Variants in CTNNA3 observed in about 807,000 individuals in gnomAD.
CTNNA3 encodes the protein catenin alpha 3, also known as catenin alpha-3.
In CTNNA3, 76 loss-of-function variants were observed where a neutral mutation model predicts 95.7. The observed-to-expected ratio is 0.79, with a 90% CI of 0.66 to 0.96. The LOEUF is 0.96. Ranked by LOEUF, CTNNA3 falls within the 40% of genes least tolerant of loss-of-function variation. CTNNA3 has a pLI of 0.00. For synonymous variants in CTNNA3, 431 were observed against 374.4 expected (o/e 1.15, Z -1.74); for missense variants, 1,191 against 1,089.8 (o/e 1.09, Z -1.31).
intron 7 of CTNNA3, among the ~76,000 whole-genome samples, chr10:67,126,537 C>T (rs539541442): frequency 3.3e-5 from 5 of 152,180 alleles, no homozygotes; most frequent in East Asian, 1.9e-4. Context: ...GGCAACAGAG[C>T]GACAGAGCAA....
chr10:66,523,722 G>A (rs769786932), intron 10 of CTNNA3, among the ~76,000 whole-genome samples: 1 of 151,810 alleles, frequency 6.6e-6, no homozygotes, highest in Non-Finnish European at 1.5e-5. Flanking sequence ...TTTTGAGTTC[G>A]GGCCTTATTA....
At chr10:66,599,248 T>A (rs932261894) in intron 10 of CTNNA3, among the ~76,000 whole-genome samples, 32 of 152,054 alleles carry the variant, frequency 2.1e-4, no homozygotes, top group Non-Finnish European at 4.6e-4. Context: ...TTATTATTTA[T>A]TGACAGTTGA....
In CTNNA3 at chr10:67,547,857, C is replaced by T. The variant is rs55974782; in HGVS notation, c.293-8188G>A. Reference sequence around the variant, plus strand: ...TGTAAGACTTGTACACTGAAAACTGCAAAACATTGCTGACAAATTAAAGAA... The same window carrying T: ...TGTAAGACTTGTACACTGAAAACTGTAAAACATTGCTGACAAATTAAAGAA... On this transcript the variant is annotated intron_variant, in intron 3 of 17. Coordinates refer to ENST00000433211, the MANE Select transcript of CTNNA3 (RefSeq NM_013266.4). Among the ~76,000 whole-genome samples the T allele has an allele frequency of 5.9e-3, 900 of 152,280 alleles. 7 individuals carry two copies. The highest frequency in any genetic ancestry group is 0.02 in the Middle Eastern group (6 of 294).
chr10:66,664,990 A>T (rs961814758), intron 9 of CTNNA3, among the ~76,000 whole-genome samples: 1 of 152,038 alleles, frequency 6.6e-6, no homozygotes, highest in Non-Finnish European at 1.5e-5. Flanking sequence ...GATTTAATAC[A>T]AATACACAGA....
At chr10:66,894,898 TGTGTATATA>T (rs1845414721) in intron 7 of CTNNA3, among the ~76,000 whole-genome samples, 1 of 150,588 alleles carries the variant, frequency 6.6e-6, no homozygotes, top group Non-Finnish European at 1.5e-5. Context: ...CTGTAATTTA[TGTGTATATA>T]TAGTAGGCGT....
chr10:66,388,881 G>T (rs940745417), intron 11 of CTNNA3, among the ~76,000 whole-genome samples: 2 of 152,018 alleles, frequency 1.3e-5, no homozygotes, highest in Admixed American at 1.3e-4. Flanking sequence ...ACAACTATTT[G>T]CATGAAGCTC....
chr10:67,531,150 T>G (rs1840312992), intron 4 of CTNNA3, among the ~76,000 whole-genome samples: 1 of 152,176 alleles, frequency 6.6e-6, no homozygotes, highest in Admixed American at 6.5e-5. Context: ...AAATGTGGTG[T>G]TGGAGCCCTC....
At chr10:67,152,307 C>T (rs1861119466) in intron 7 of CTNNA3, among the ~76,000 whole-genome samples, 1 of 152,132 alleles carries the variant, frequency 6.6e-6, no homozygotes, top group Admixed American at 6.5e-5. Flanking sequence ...TAAGAAGAAA[C>T]TGCCAAATTA....
At chr10:66,578,784 C>CTTTTTTTTTTT (rs71035156) in intron 10 of CTNNA3, among the ~76,000 whole-genome samples, 3 of 143,234 alleles carry the variant, frequency 2.1e-5, no homozygotes, top group Non-Finnish European at 3.1e-5. Flanking sequence ...ATTTTTCTTT[C>CTTTTTTTTTTT]TTTTTTTTTT....
chr10:66,134,490 A>G (rs1227977161), intron 13 of CTNNA3, among the ~76,000 whole-genome samples: 1 of 152,182 alleles, frequency 6.6e-6, no homozygotes, highest in Non-Finnish European at 1.5e-5. Flanking sequence ...GAAGATTTGT[A>G]TGAGATAATT....
At chr10:65,988,177 T>A (rs1227951447) in intron 16 of CTNNA3, among the ~76,000 whole-genome samples, 1 of 151,992 alleles carries the variant, frequency 6.6e-6, no homozygotes, top group Non-Finnish European at 1.5e-5. Context: ...TATGAGAAGA[T>A]TTTGAATGTG....
At chr10:66,575,105 G>C (rs1842969047) in intron 10 of CTNNA3, among the ~76,000 whole-genome samples, 1 of 152,064 alleles carries the variant, frequency 6.6e-6, no homozygotes, top group Non-Finnish European at 1.5e-5. Flanking sequence ...TCATTAACCA[G>C]AATTTGACTG....
intron 10 of CTNNA3, among the ~76,000 whole-genome samples, chr10:66,619,009 A>G (rs959485941): frequency 5.9e-5 from 9 of 152,152 alleles, no homozygotes; most frequent in African/African-American, 4.8e-5. Flanking sequence ...AACCACAATG[A>G]GATACCATCT....
intron 16 of CTNNA3, among the ~76,000 whole-genome samples, chr10:65,974,340 T>C (rs1294746392): frequency 6.6e-6 from 1 of 152,132 alleles, no homozygotes; most frequent in East Asian, 1.9e-4. Context: ...GGAATCAACC[T>C]AGGTATCCAC....
At chr10:67,409,402 G>T (rs1374867113) in intron 5 of CTNNA3, among the ~76,000 whole-genome samples, 1 of 152,176 alleles carries the variant, frequency 6.6e-6, no homozygotes, top group Non-Finnish European at 1.5e-5. Flanking sequence ...ATACTATGCA[G>T]CCATAAAAAG....
At chr10:67,136,599 T>C (rs1860318695) in intron 7 of CTNNA3, among the ~76,000 whole-genome samples, 1 of 152,142 alleles carries the variant, frequency 6.6e-6, no homozygotes, top group African/African-American at 2.4e-5. Flanking sequence ...TTGCATTTTC[T>C]ATCTCCCACC....
At chr10:67,529,993 C>CA (rs1348061298) in intron 4 of CTNNA3, among the ~76,000 whole-genome samples, 5 of 152,166 alleles carry the variant, frequency 3.3e-5, no homozygotes, top group Admixed American at 6.5e-5. Flanking sequence ...TTTCCCTACA[C>CA]AAGCTCTCTC....
intron 7 of CTNNA3, among the ~76,000 whole-genome samples, chr10:67,020,338 G>A (rs960775716): frequency 6.6e-6 from 1 of 151,922 alleles, no homozygotes; most frequent in Non-Finnish European, 1.5e-5. Context: ...AGAGCACAAG[G>A]GCTTCTTTAT....
intron 11 of CTNNA3, among the ~76,000 whole-genome samples, chr10:66,441,431 G>A (rs2093374961): frequency 6.6e-6 from 1 of 152,116 alleles, no homozygotes; most frequent in African/African-American, 2.4e-5. Context: ...TACAAATTTA[G>A]CAAGGTAAAA....
Sources: gnomAD v4.1 joint callset for allele counts (sites outside exome capture counted in the v4.1 genomes callset) on GRCh38, gnomAD v4.1.1 for gene constraint, MANE v1.5 for transcripts, NCBI Gene and HGNC (gene_info 2026-07-23, HGNC 2026-07-21) for gene names.